The following NRG1 variants were observed in gnomAD, a reference collection of about 807,000 sequenced individuals.
NRG1 encodes the protein neuregulin 1.
NRG1 carries 18 observed loss-of-function variants against 63.8 expected under a neutral mutation model. That is an observed-to-expected ratio of 0.28 (90% CI 0.19 to 0.42). The LOEUF (loss-of-function observed/expected upper bound fraction) is 0.42, where lower values mean the gene tolerates loss of function less well. NRG1 is among the 10% of genes least tolerant of loss of function. The probability of loss-of-function intolerance (pLI) is 1.00; values close to 1 mark genes in which losing one functional copy is unlikely to be tolerated. For missense variants in NRG1, 762 were observed against 814.7 expected, an observed-to-expected ratio of 0.94 and a Z score of 0.79; for synonymous variants, 302 against 301.3, an observed-to-expected ratio of 1.00 and a Z score of -0.02.
intron 1 of NRG1, among the ~76,000 whole-genome samples, chr8:32,421,924 G>A (rs1215682700): frequency 6.6e-6 from 1 of 152,094 alleles, no homozygotes; most frequent in East Asian, 1.9e-4. Flanking sequence ...TTATAAATAG[G>A]AGCTAAATAA....
At chr8:31,766,715 A>AT (rs1171416041) in intron 1 of NRG1, among the ~76,000 whole-genome samples, 1 of 151,888 alleles carries the variant, frequency 6.6e-6, no homozygotes, top group African/African-American at 2.4e-5. Flanking sequence ...AGCTTTAGTG[A>AT]TTTTTCTGCC....
chr8:32,581,286 C>CAGA (rs1840585021), intron 1 of NRG1, among the ~76,000 whole-genome samples: 1 of 152,126 alleles, frequency 6.6e-6, no homozygotes, highest in African/African-American at 2.4e-5. Flanking sequence ...AGCTGCATGC[C>CAGA]AGAAGAAGAA....
At chr8:32,159,259 G>A (rs1838531447) in intron 1 of NRG1, among the ~76,000 whole-genome samples, 1 of 152,170 alleles carries the variant, frequency 6.6e-6, no homozygotes, top group African/African-American at 2.4e-5. Context: ...GCTTGGCCGG[G>A]CGCGGTGGCT....
intron 5 of NRG1, among the ~76,000 whole-genome samples, chr8:32,657,909 C>G (rs1175825966): frequency 1.3e-5 from 2 of 152,158 alleles, no homozygotes; most frequent in African/African-American, 4.8e-5. Context: ...CATCAAGCAA[C>G]TCCTATGATT....
intron 1 of NRG1, among the ~76,000 whole-genome samples, chr8:31,716,837 A>T (rs1812396040): frequency 6.6e-6 from 1 of 152,256 alleles, no homozygotes; most frequent in African/African-American, 2.4e-5. Flanking sequence ...CATAACTCGC[A>T]TTAAATTCTA....
chr8:32,682,595 G>A (rs2128919426), intron 5 of NRG1, among the ~76,000 whole-genome samples: 1 of 152,142 alleles, frequency 6.6e-6, no homozygotes, highest in South Asian at 2.1e-4. Flanking sequence ...AGACTGTTTT[G>A]CCACTTGGAA....
chr8:31,756,239 G>A (rs1321938393), intron 1 of NRG1, among the ~76,000 whole-genome samples: 1 of 152,004 alleles, frequency 6.6e-6, no homozygotes, highest in Non-Finnish European at 1.5e-5. Context: ...ACTATTGATT[G>A]CCATAAAAAA....
At chr8:32,018,554 TTC>T (rs1815934953) in intron 1 of NRG1, among the ~76,000 whole-genome samples, 2 of 152,236 alleles carry the variant, frequency 1.3e-5, no homozygotes, top group African/African-American at 2.4e-5. Context: ...TCTTATTTCT[TTC>T]TCTGAGTAAA....
rs548874374 is a variant in NRG1, at chr8:31,956,408, G to C, written c.37+316977G>C. Among the ~76,000 whole-genome samples the C allele has an allele frequency of 7.9e-5, 12 of 152,250 alleles. No individual in the cohort carries two copies. The South Asian group carries it at 2.5e-3, about 32-fold the overall frequency. On this transcript the variant is annotated intron_variant, in intron 1 of 10. Coordinates refer to the NRG1 transcript ENST00000519301. ...TGAGGTGGGCAGATCACAAGGTCAG[G>C]AGATCGAGACCATCCCGGCTAACAT...
chr8:32,081,539 G>C (rs1018229176), intron 1 of NRG1, among the ~76,000 whole-genome samples: 5 of 152,092 alleles, frequency 3.3e-5, no homozygotes, highest in Non-Finnish European at 5.9e-5. Flanking sequence ...AGATTAGTGG[G>C]GTAGTAGAGA....
chr8:31,937,987 C>A (rs753383216), intron 1 of NRG1, among the ~76,000 whole-genome samples: 1 of 152,120 alleles, frequency 6.6e-6, no homozygotes, highest in Non-Finnish European at 1.5e-5. Context: ...ATGGCCCTGT[C>A]CACTGCCTAA....
chr8:32,209,027 G>A (rs1160283059), intron 1 of NRG1, among the ~76,000 whole-genome samples: 1 of 152,130 alleles, frequency 6.6e-6, no homozygotes, highest in African/African-American at 2.4e-5. Flanking sequence ...GAAGGTCTGA[G>A]TTTGAATCCT....
intron 1 of NRG1, among the ~76,000 whole-genome samples, chr8:32,324,685 C>T (rs1234291225): frequency 3.9e-5 from 6 of 152,046 alleles, no homozygotes; most frequent in Non-Finnish European, 5.9e-5. Flanking sequence ...TCAGAAAAGG[C>T]AAATAAAAAA....
At chr8:31,651,573 T>A (rs1004698669) in intron 1 of NRG1, among the ~76,000 whole-genome samples, 1 of 152,230 alleles carries the variant, frequency 6.6e-6, no homozygotes, top group African/African-American at 2.4e-5. Flanking sequence ...CCTGCTGAGA[T>A]GCCAGTGTTG....
intron 1 of NRG1, among the ~76,000 whole-genome samples, chr8:32,048,169 A>C (rs1821317141): frequency 1.3e-5 from 2 of 151,776 alleles, no homozygotes. Context: ...ACTGAGGTTA[A>C]TGTCATATCT....
intron 1 of NRG1, among the ~76,000 whole-genome samples, chr8:32,280,991 C>T (rs902789744): frequency 2.7e-5 from 4 of 150,894 alleles, no homozygotes; most frequent in Non-Finnish European, 5.9e-5. Context: ...GATCTCCTGA[C>T]CTCGTGATCC....
intron 5 of NRG1, among the ~76,000 whole-genome samples, chr8:32,624,103 G>A (rs1218282305): frequency 1.3e-5 from 2 of 152,120 alleles, no homozygotes; most frequent in African/African-American, 2.4e-5. Context: ...CCATGGATGA[G>A]GGACTTGACG....
chr8:32,544,994 G>A (rs906154621), upstream of NRG1, among the ~76,000 whole-genome samples: 11 of 152,034 alleles, frequency 7.2e-5, no homozygotes, highest in African/African-American at 1.7e-4. Context: ...ATTATCTTAA[G>A]TTACTTGATT....
At chr8:31,681,651 A>G (rs187780402) in intron 1 of NRG1, among the ~76,000 whole-genome samples, 1 of 150,822 alleles carries the variant, frequency 6.6e-6, no homozygotes, top group East Asian at 1.9e-4. Context: ...TTCCATTCCA[A>G]TGTATAGACT....
Sources: gnomAD v4.1 joint callset for allele counts (sites outside exome capture counted in the v4.1 genomes callset) on GRCh38, gnomAD v4.1.1 for gene constraint, MANE v1.5 for transcripts, NCBI Gene and HGNC (gene_info 2026-07-23, HGNC 2026-07-21) for gene names.